The following CACNA1A variants were observed in gnomAD, a reference collection of about 807,000 sequenced individuals.
CACNA1A encodes the protein voltage-dependent P/Q-type calcium channel subunit alpha-1A.
A neutral mutation model predicts 262.4 loss-of-function variants in CACNA1A; 57 were observed. The ratio of observed to expected loss-of-function variants is 0.22; its 90% CI spans 0.18 to 0.27. The LOEUF (loss-of-function observed/expected upper bound fraction) is 0.27, where lower values mean the gene tolerates loss of function less well. Ranked by LOEUF, CACNA1A falls within the 10% of genes least tolerant of loss-of-function variation. The pLI, the probability that CACNA1A is intolerant of heterozygous loss-of-function variation, is 1.00. For synonymous variants in CACNA1A, 1,431 were observed against 1,419.3 expected (o/e 1.01, Z -0.18); for missense variants, 2,526 against 3,562.8 (o/e 0.71, Z 7.41).
intron 24 of CACNA1A, among the ~76,000 whole-genome samples, chr19:13,268,649 T>C (rs994299479): frequency 6.6e-6 from 1 of 152,080 alleles, no homozygotes; most frequent in Admixed American, 6.6e-5. Flanking sequence ...TTAGCCAGGA[T>C]GGTCTCCATC....
Position 13,299,168 on chromosome 19 carries a change from G to A in CACNA1A, c.2465C>T (p.Pro822Leu). The A allele has an allele frequency of 6.2e-7, 1 of 1,613,116 alleles. No homozygotes were observed. Among genetic ancestry groups the A allele is most frequent in the Non-Finnish European group, 8.5e-7 (1 of 1,179,882 alleles). ...GTTCTCCTGCGGGTCCACCACCAGC[G>A]GCCGGTCCAAGTGCGTCTTCATGTC... The part of the protein sequence containing the change: ...RPDMKTHLDR[P>L]LVVDPQENRN... Residue 822 changes from proline to leucine, a missense_variant, in exon 19 of 47, where the codon CCG becomes CTG. Physicochemically the swap from Pro to Leu is moderately conservative, Grantham distance 98. This residue lies in a region of CACNA1A where 765 missense variants were observed against 748.6 expected (regional missense o/e 1.02). Transcript: ENST00000360228.
At chr19:13,360,280 T>TATATATATATATATATATATATATAG (rs2059082362) in intron 5 of CACNA1A, among the ~76,000 whole-genome samples, 1 of 148,382 alleles carries the variant, frequency 6.7e-6, no homozygotes, top group Non-Finnish European at 1.5e-5. Context: ...TATATATATA[T>TATATATATATATATATATATATATAG]ATATATGAAG....
At position 13,219,525 on chromosome 19, in the gene CACNA1A, T is replaced by G. The variant is rs957701419; in HGVS notation, c.5732-4917A>C. Among the ~76,000 whole-genome samples the G allele has an allele frequency of 2.0e-5, 3 of 152,104 alleles. No homozygotes were observed. The South Asian group carries it at 6.2e-4, about 31-fold the overall frequency. On this transcript the variant is annotated intron_variant, in intron 38 of 46. Coordinates refer to ENST00000360228, the MANE Select transcript of CACNA1A (RefSeq NM_001127222.2). ...GCATTACATACAAAGAGTGGGGGTG[T>G]TGTTAGACCCGTTGTACAAACGAAG... is the stretch of plus-strand genomic sequence containing the variant.
chr19:13,488,868 A>C (rs2145116994), intron 1 of CACNA1A, among the ~76,000 whole-genome samples: 1 of 152,168 alleles, frequency 6.6e-6, no homozygotes, highest in East Asian at 1.9e-4. Context: ...GACCCTGGCA[A>C]CATGTCCAGT....
intron 34 of CACNA1A, among the ~76,000 whole-genome samples, chr19:13,232,670 G>A (rs1460212562): frequency 6.6e-6 from 1 of 151,350 alleles, no homozygotes; most frequent in African/African-American, 2.4e-5. Context: ...GGCGGAGGTT[G>A]CAGTGAGCTG....
chr19:13,227,723 A>G (rs2055511918), intron 36 of CACNA1A, 196 bp from the exon 37 acceptor site: 7 of 318,718 alleles, frequency 2.2e-5, no homozygotes, highest in Middle Eastern at 1.8e-3. Context: ...AAAGAGGAGG[A>G]AAAAAAATGG....
chr19:13,493,763 T>C (rs946175836), intron 1 of CACNA1A, among the ~76,000 whole-genome samples: 1 of 152,226 alleles, frequency 6.6e-6, no homozygotes, highest in Middle Eastern at 3.2e-3. Flanking sequence ...TACTGCACTG[T>C]TATTTATAAT....
At chr19:13,257,162 A>G in intron 28 of CACNA1A, 188 bp downstream of exon 28, 1 of 554,398 alleles carries the variant, frequency 1.8e-6, no homozygotes, top group Non-Finnish European at 3.2e-6. Context: ...TGACTGATAC[A>G]TACACTATAT....
At chr19:13,235,590 C>CTGAGGG (rs759741021) in intron 32 of CACNA1A, 24 bp downstream of exon 32, 6 of 1,508,042 alleles carry the variant, frequency 4.0e-6, no homozygotes, top group Non-Finnish European at 1.8e-6. Flanking sequence ...CAGCCCTGGG[C>CTGAGGG]CAGCAGCAGG....
intron 3 of CACNA1A, among the ~76,000 whole-genome samples, chr19:13,406,225 C>T (rs2059999445): frequency 6.6e-6 from 1 of 151,432 alleles, no homozygotes; most frequent in Non-Finnish European, 1.5e-5. Context: ...GAGGCTGAGG[C>T]AGACTGATCA....
rs2060943767 is a variant in CACNA1A, at chr19:13,453,034, A to G, written c.400-19T>C. 4 of 1,613,686 alleles carry G rather than the reference A, an allele frequency of 2.5e-6. No homozygotes were observed. The African/African-American group carries it at 5.3e-5, about 22-fold the overall frequency. On this transcript the variant is annotated intron_variant, in intron 2 of 46. Coordinates refer to ENST00000360228, the MANE Select transcript of CACNA1A (RefSeq NM_001127222.2). ...TGTCATCCTGGAAGGGAGAGAAGGC[A>G]AGGTCAGCGTCTTGGGCTGGGCAGA...
At chr19:13,433,090 G>A (rs2060542690) in intron 3 of CACNA1A, among the ~76,000 whole-genome samples, 1 of 152,060 alleles carries the variant, frequency 6.6e-6, no homozygotes, top group Non-Finnish European at 1.5e-5. Context: ...TCAGGAGATG[G>A]AGACCATCCT....
chr19:13,372,872 G>A (rs1394448944), intron 3 of CACNA1A, among the ~76,000 whole-genome samples: 1 of 152,198 alleles, frequency 6.6e-6, no homozygotes, highest in Non-Finnish European at 1.5e-5. Flanking sequence ...AAGTTAGTAA[G>A]GATGATAGCA....
intron 10 of CACNA1A, among the ~76,000 whole-genome samples, chr19:13,328,977 T>G (rs963171918): frequency 6.6e-6 from 1 of 152,014 alleles, no homozygotes; most frequent in African/African-American, 2.4e-5. Flanking sequence ...GCCACACAGT[T>G]TCCCAAGCAG....
At chr19:13,460,371 C>T (rs2144974165) in intron 1 of CACNA1A, among the ~76,000 whole-genome samples, 1 of 152,282 alleles carries the variant, frequency 6.6e-6, no homozygotes, top group Middle Eastern at 3.4e-3. Flanking sequence ...TCCAAGCTTT[C>T]TCCTCCACGT....
chr19:13,474,530 AAG>A (rs1219457131), intron 1 of CACNA1A, among the ~76,000 whole-genome samples: 1 of 152,202 alleles, frequency 6.6e-6, no homozygotes, highest in Non-Finnish European at 1.5e-5. Flanking sequence ...TAAAAATGCA[AAG>A]AGTTTGCCAG....
intron 10 of CACNA1A, among the ~76,000 whole-genome samples, chr19:13,319,604 G>A (rs1502018): frequency 0.29 from 43,686 of 152,044 alleles, 6,741 homozygotes; most frequent in East Asian, 0.45. Context: ...CAGAGATTTT[G>A]AGTTGGCACC....
intron 1 of CACNA1A, among the ~76,000 whole-genome samples, chr19:13,469,892 T>C (rs147340817): frequency 1.8e-3 from 275 of 152,110 alleles, no homozygotes; most frequent in African/African-American, 6.2e-3. Flanking sequence ...CAACCTTACA[T>C]AGGTTGATTA....
chr19:13,264,199 A>T (rs1392300998), intron 24 of CACNA1A, among the ~76,000 whole-genome samples: 1 of 152,128 alleles, frequency 6.6e-6, no homozygotes, highest in Non-Finnish European at 1.5e-5. Context: ...TGGGACCATG[A>T]ATAGCTTGTG....
Sources: gnomAD v4.1 joint callset for allele counts (sites outside exome capture counted in the v4.1 genomes callset) on GRCh38, gnomAD v4.1.1 for gene constraint, gnomAD v4.1.1 regional missense constraint, MANE v1.5 for transcripts, NCBI Gene and HGNC (gene_info 2026-07-23, HGNC 2026-07-21) for gene names.